DIAPH3: variants seen among roughly 807,000 people sequenced by gnomAD.
DIAPH3 encodes the protein protein diaphanous homolog 3.
Under a neutral mutation model 144.3 loss-of-function variants are expected in DIAPH3, and 117 were observed. That is an observed-to-expected ratio of 0.81 (90% confidence interval 0.70 to 0.95). DIAPH3 has a LOEUF of 0.95. Among genes scored for constraint, DIAPH3 ranks in the 40% least tolerant of loss-of-function variants. DIAPH3 has a pLI of 0.00. For missense variants in DIAPH3, 1,421 were observed against 1,412.7 expected (o/e 1.01, Z -0.09); for synonymous variants, 519 against 488.9 (o/e 1.06, Z -0.81).
intron 4 of DIAPH3, among the ~76,000 whole-genome samples, chr13:60,052,958 T>TAAAAAAAAAAAAAAAAAAA (rs2056407276): frequency 2.8e-4 from 3 of 10,612 alleles, no homozygotes; most frequent in African/African-American, 1.9e-3. Flanking sequence ...AGACTCCCTC[T>TAAAAAAAAAAAAAAAAAAA]TAAAAAAAAA....
At chr13:59,829,281 T>C (rs1167952107) in intron 24 of DIAPH3, among the ~76,000 whole-genome samples, 1 of 151,990 alleles carries the variant, frequency 6.6e-6, no homozygotes, top group Non-Finnish European at 1.5e-5. Context: ...TCCAAAAAAA[T>C]GGCCACTTTT....
At chr13:59,772,873 A>G (rs538610785) in intron 27 of DIAPH3, among the ~76,000 whole-genome samples, 117 of 152,204 alleles carry the variant, frequency 7.7e-4, no homozygotes, top group African/African-American at 2.7e-3. Flanking sequence ...AAAAAGAAAT[A>G]CAATAGGAAT....
intron 4 of DIAPH3, among the ~76,000 whole-genome samples, chr13:60,047,126 T>C (rs2056109391): frequency 6.6e-6 from 1 of 151,882 alleles, no homozygotes; most frequent in African/African-American, 2.4e-5. Context: ...AAGTATTATT[T>C]TAAAAAAAGA....
At chr13:59,892,210 T>C (rs370278030) in intron 20 of DIAPH3, among the ~76,000 whole-genome samples, 1 of 151,920 alleles carries the variant, frequency 6.6e-6, no homozygotes, top group South Asian at 2.1e-4. Context: ...GGCAGCATCA[T>C]TATAATGAAA....
At chr13:59,972,555 A>G (rs2050447404) in intron 15 of DIAPH3, among the ~76,000 whole-genome samples, 1 of 152,236 alleles carries the variant, frequency 6.6e-6, no homozygotes, top group Non-Finnish European at 1.5e-5. Flanking sequence ...CAAAGAAAAC[A>G]GTGTTATAAA....
intron 9 of DIAPH3, among the ~76,000 whole-genome samples, chr13:60,002,340 A>C (rs369276520): frequency 5.3e-5 from 8 of 152,182 alleles, no homozygotes; most frequent in African/African-American, 1.7e-4. Context: ...AATCAGATCA[A>C]TTACAGTCAT....
chr13:59,879,887 T>A (rs752374391), intron 20 of DIAPH3, among the ~76,000 whole-genome samples: 7 of 152,184 alleles, frequency 4.6e-5, no homozygotes, highest in Non-Finnish European at 1.0e-4. Context: ...AAAGAGGGTT[T>A]GTTTTCTTCA....
intron 27 of DIAPH3, among the ~76,000 whole-genome samples, chr13:59,719,291 A>G (rs552468194): frequency 6.6e-6 from 1 of 152,344 alleles, no homozygotes; most frequent in Non-Finnish European, 1.5e-5. Flanking sequence ...GAAGAGAGCC[A>G]CATTTTTACT....
chr13:59,962,886 AT>A (rs2049844328), intron 17 of DIAPH3, among the ~76,000 whole-genome samples: 1 of 152,164 alleles, frequency 6.6e-6, no homozygotes, highest in Admixed American at 6.5e-5. Flanking sequence ...CTTAACTAAA[AT>A]AATTCTAATG....
chr13:59,862,740 T>C (rs1253829144), intron 21 of DIAPH3, among the ~76,000 whole-genome samples: 1 of 152,118 alleles, frequency 6.6e-6, no homozygotes, highest in African/African-American at 2.4e-5. Flanking sequence ...GATTGCCCCC[T>C]AAGAAGTTTT....
At chr13:60,061,052 C>A (rs1594547285) in intron 4 of DIAPH3, among the ~76,000 whole-genome samples, 2 of 152,006 alleles carry the variant, frequency 1.3e-5, no homozygotes, top group African/African-American at 4.8e-5. Context: ...TGTATATGAA[C>A]CTAGTCTCTG....
At chr13:59,987,422 A>G (rs1188262919) in intron 12 of DIAPH3, among the ~76,000 whole-genome samples, 1 of 149,730 alleles carries the variant, frequency 6.7e-6, no homozygotes, top group Non-Finnish European at 1.5e-5. Context: ...ACATGTATAC[A>G]TATGTAACTA....
chr13:60,007,729 G>A, intron 9 of DIAPH3, among the ~76,000 whole-genome samples: 1 of 152,020 alleles, frequency 6.6e-6, no homozygotes, highest in East Asian at 1.9e-4. Context: ...TTTAAAAAAA[G>A]AAAGAGAAAT....
At chr13:60,065,779 C>A (rs541016142) in intron 4 of DIAPH3, among the ~76,000 whole-genome samples, 1 of 152,138 alleles carries the variant, frequency 6.6e-6, no homozygotes, top group East Asian at 1.9e-4. Flanking sequence ...GAGAAAAGCA[C>A]ACCAATCACA....
At chr13:59,860,725 G>A (rs899670011) in intron 22 of DIAPH3, among the ~76,000 whole-genome samples, 1 of 151,738 alleles carries the variant, frequency 6.6e-6, no homozygotes, top group Admixed American at 6.6e-5. Flanking sequence ...GCAACAGAGC[G>A]AGACTCCATC....
intron 1 of DIAPH3, among the ~76,000 whole-genome samples, chr13:60,158,421 T>C (rs948840982): frequency 6.6e-6 from 1 of 152,174 alleles, no homozygotes; most frequent in African/African-American, 2.4e-5. Context: ...CACTGGCTGG[T>C]ATACATTAAT....
At position 59,854,182 on chromosome 13, in the gene DIAPH3, C is replaced by T. The variant is rs549366949; in HGVS notation, c.2737+7225G>A. 2.7e-4 allele frequency among the ~76,000 whole-genome samples: 41 copies of T among 152,024 alleles called. 1 individual carries two copies. Among genetic ancestry groups the T allele is most frequent in the East Asian group, 1.7e-3 (9 of 5,168 alleles). On this transcript the variant is annotated intron_variant, in intron 22 of 27. Coordinates refer to ENST00000400324, the MANE Select transcript of DIAPH3 (RefSeq NM_001042517.2). The stretch of plus-strand genomic sequence containing the variant: ...TGATGCATCTACAAGCCAAGGAACA[C>T]GAAGGACTCTGAGTAGCCACTAGAA...
At chr13:60,148,308 C>T (rs74456884) in intron 1 of DIAPH3, among the ~76,000 whole-genome samples, 1,831 of 152,294 alleles carry the variant, frequency 0.012, 20 homozygotes, top group Middle Eastern at 0.034. Flanking sequence ...AAGTCATCAG[C>T]TTCTAAATCT....
chr13:60,014,702 A>C (rs1414281087), intron 7 of DIAPH3, among the ~76,000 whole-genome samples: 2 of 152,164 alleles, frequency 1.3e-5, no homozygotes, highest in East Asian at 3.8e-4. Context: ...TTAATCAGAA[A>C]TATACAGATG....
Sources: allele counts gnomAD v4.1 joint callset (sites outside exome capture counted in the v4.1 genomes callset), GRCh38; gene constraint gnomAD v4.1.1; transcripts MANE v1.5; gene names NCBI Gene and HGNC (gene_info 2026-07-23, HGNC 2026-07-21).